RBFOX1: variants seen among roughly 807,000 people sequenced by gnomAD.
RBFOX1 encodes the protein RNA binding protein fox-1 homolog 1.
Under a neutral mutation model 57.7 loss-of-function variants are expected in RBFOX1, and 8 were observed. That is an observed-to-expected ratio of 0.14 (90% CI 0.08 to 0.25). The LOEUF (loss-of-function observed/expected upper bound fraction) is 0.25. RBFOX1 is among the 10% of genes least tolerant of loss of function. The pLI is 1.00. For missense variants in RBFOX1, 611 were observed against 548.5 expected (o/e 1.11, Z -1.14); for synonymous variants, 326 against 222.4 (o/e 1.47, Z -4.15).
intron 2 of RBFOX1, among the ~76,000 whole-genome samples, chr16:6,529,819 A>T (rs1241864340): frequency 6.6e-6 from 1 of 152,104 alleles, no homozygotes; most frequent in Non-Finnish European, 1.5e-5. Context: ...TATTTCTTTA[A>T]CATTTTTATT....
chr16:7,174,970 G>A (rs2081371289), intron 4 of RBFOX1, among the ~76,000 whole-genome samples: 6 of 152,064 alleles, frequency 3.9e-5, no homozygotes, highest in Admixed American at 2.6e-4. Context: ...TCATCATCAT[G>A]GCTTTAATTT....
chr16:7,323,213 C>T (rs1249700491), intron 4 of RBFOX1, among the ~76,000 whole-genome samples: 1 of 152,242 alleles, frequency 6.6e-6, no homozygotes, highest in South Asian at 2.1e-4. Context: ...CACTTGATCC[C>T]AGGAGTACCA....
At chr16:7,513,578 C>T (rs1010884327) in intron 4 of RBFOX1, among the ~76,000 whole-genome samples, 1 of 152,148 alleles carries the variant, frequency 6.6e-6, no homozygotes, top group East Asian at 1.9e-4. Context: ...TAGCAGCATT[C>T]CTGGCCTCCA....
chr16:6,981,058 A>AAAC (rs1388829340), intron 3 of RBFOX1, among the ~76,000 whole-genome samples: 1 of 151,080 alleles, frequency 6.6e-6, no homozygotes, highest in Non-Finnish European at 1.5e-5. Flanking sequence ...AAAAAAAAAA[A>AAAC]ACACTAAAAA....
intron 2 of RBFOX1, among the ~76,000 whole-genome samples, chr16:6,592,083 T>C (rs186062745): frequency 3.3e-5 from 5 of 152,202 alleles, no homozygotes; most frequent in South Asian, 2.1e-4. Context: ...TTGGAGACTT[T>C]AGACACACGT....
intron 10 of RBFOX1, among the ~76,000 whole-genome samples, chr16:7,621,104 G>T (rs1211458095): frequency 1.3e-5 from 2 of 152,096 alleles, no homozygotes; most frequent in Non-Finnish European, 2.9e-5. Flanking sequence ...TCAGAGCATA[G>T]TAGAGTTTGA....
At chr16:7,023,459 CA>C (rs368260398) in intron 3 of RBFOX1, among the ~76,000 whole-genome samples, 110 of 124,678 alleles carry the variant, frequency 8.8e-4, no homozygotes, top group Admixed American at 8.9e-4. Flanking sequence ...GACTCCATCT[CA>C]AAAAAAAAAA....
At position 6,019,895 on chromosome 16, in the gene RBFOX1, G is replaced by C. The variant is rs2095032946; in HGVS notation, c.-224G>C. 6.5e-7 allele frequency: 1 copy of C among 1,535,032 alleles called. No individual in the cohort carries two copies. Among genetic ancestry groups the C allele is most frequent in the African/African-American group, 1.4e-5 (1 of 73,024 alleles). ...CCAGCACCCCCTTCCGCCGCCTCCA[G>C]CTTATGGTGAGTGTGGCTGGGGGTG... On this transcript the variant is annotated 5_prime_UTR_variant, in exon 1 of 16. Coordinates refer to ENST00000550418, the MANE Select transcript of RBFOX1 (RefSeq NM_018723.4). This position sits in a 1 kb window ranked among gnomAD's most constrained non-coding sequence, Gnocchi z 4.2.
At chr16:6,820,694 C>T (rs775427463) in intron 3 of RBFOX1, among the ~76,000 whole-genome samples, 4 of 138,778 alleles carry the variant, frequency 2.9e-5, no homozygotes, top group African/African-American at 5.2e-5. Flanking sequence ...AAACAAAAAC[C>T]GAAAACTGCA....
At chr16:7,150,152 A>T (rs74446255) in intron 4 of RBFOX1, among the ~76,000 whole-genome samples, 357 of 152,212 alleles carry the variant, frequency 2.3e-3, no homozygotes, top group African/African-American at 7.9e-3. Context: ...GATGTTTCCT[A>T]TTAGCAGCCT....
At chr16:5,344,037 C>T (rs2065089305) in intron 1 of RBFOX1, among the ~76,000 whole-genome samples, 1 of 152,152 alleles carries the variant, frequency 6.6e-6, no homozygotes, top group Admixed American at 6.5e-5. Context: ...CTTCTCTGTG[C>T]TGGGATGGGG....
intron 2 of RBFOX1, among the ~76,000 whole-genome samples, chr16:5,501,006 A>C (rs890490771): frequency 6.6e-6 from 1 of 152,090 alleles, no homozygotes; most frequent in Non-Finnish European, 1.5e-5. Context: ...GACTTTCAAC[A>C]TTCCATGAGC....
intron 3 of RBFOX1, among the ~76,000 whole-genome samples, chr16:5,784,413 C>T (rs999006102): frequency 3.8e-4 from 56 of 147,156 alleles, no homozygotes; most frequent in Non-Finnish European, 6.3e-4. Flanking sequence ...GGCGACAGAG[C>T]GAGAGTCCGT....
At chr16:6,165,083 T>G (rs7196181) in intron 1 of RBFOX1, among the ~76,000 whole-genome samples, 13,101 of 152,184 alleles carry the variant, frequency 0.086, 744 homozygotes, top group African/African-American at 0.16. Flanking sequence ...GGTTTTGTCA[T>G]TCACAGCTTA....
intron 2 of RBFOX1, among the ~76,000 whole-genome samples, chr16:6,555,615 G>A (rs1456246702): frequency 6.6e-6 from 1 of 152,098 alleles, no homozygotes; most frequent in Non-Finnish European, 1.5e-5. Flanking sequence ...CAGGAGAATG[G>A]CGTGAATCCG....
intron 3 of RBFOX1, among the ~76,000 whole-genome samples, chr16:5,611,665 C>T (rs1458274664): frequency 6.6e-6 from 1 of 151,954 alleles, no homozygotes; most frequent in Non-Finnish European, 1.5e-5. Flanking sequence ...CCTCCATCTA[C>T]TCTCTCATCC....
chr16:5,988,783 A>ATT (rs5815276), intron 4 of RBFOX1, among the ~76,000 whole-genome samples: 13 of 151,752 alleles, frequency 8.6e-5, no homozygotes, highest in African/African-American at 2.9e-4. Context: ...CCCTTTCTCA[A>ATT]TTTTTTTTTA....
chr16:5,789,714 C>G (rs533408933), intron 3 of RBFOX1, among the ~76,000 whole-genome samples: 152 of 152,196 alleles, frequency 1.0e-3, no homozygotes, highest in African/African-American at 3.6e-3. Flanking sequence ...GATAGAAGCT[C>G]AAAAATGTTA....
rs2084265230 is a variant in RBFOX1 at position 7,713,285 on chromosome 16, A to T, written c.*2540A>T. 2 of 152,226 alleles carry T rather than the reference A, an allele frequency of 1.3e-5. No individual in the cohort carries two copies. The highest frequency in any genetic ancestry group is 2.9e-5 in the Non-Finnish European group (2 of 68,046). The allele number at this position is 152,226 out of a possible 1,614,324, so 9.4% of individuals were successfully genotyped here. ...TTTATATCACTTACAGTGGTTTGTG[A>T]ATAAAGAAAACTGGTTTGTAATATC... On this transcript the variant is annotated 3_prime_UTR_variant, in exon 16 of 16. Transcript: ENST00000550418.
Sources: allele counts gnomAD v4.1 joint callset (sites outside exome capture counted in the v4.1 genomes callset), GRCh38; gene constraint gnomAD v4.1.1; non-coding constraint Gnocchi (gnomAD v3.1); transcripts MANE v1.5; gene names NCBI Gene and HGNC (gene_info 2026-07-23, HGNC 2026-07-21).